GFRA1: variants seen among roughly 807,000 people sequenced by gnomAD.
GFRA1 encodes the protein GDNF family receptor alpha 1.
Under a neutral mutation model 51.6 loss-of-function variants are expected in GFRA1, and 16 were observed. That is an observed-to-expected ratio of 0.31 (90% CI 0.21 to 0.47). The LOEUF (loss-of-function observed/expected upper bound fraction) is 0.47. GFRA1 is among the 20% of genes least tolerant of loss of function. The pLI is 1.00. For synonymous variants in GFRA1, 270 were observed against 241.3 expected (o/e 1.12, Z -1.10); for missense variants, 530 against 594.3 (o/e 0.89, Z 1.13).
At chr10:116,155,116 T>C (rs1183884740) in intron 5 of GFRA1, among the ~76,000 whole-genome samples, 2 of 152,170 alleles carry the variant, frequency 1.3e-5, no homozygotes, top group East Asian at 3.8e-4. Flanking sequence ...CTCTAATGTG[T>C]CAAGAACTTT....
chr10:116,266,371 T>G (rs1350366394), intron 4 of GFRA1, among the ~76,000 whole-genome samples: 11 of 152,216 alleles, frequency 7.2e-5, no homozygotes, highest in Non-Finnish European at 1.5e-4. Flanking sequence ...AAAGCTCAGA[T>G]TCAAACCATG....
upstream of GFRA1, among the ~76,000 whole-genome samples, chr10:116,273,736 A>G (rs1365898621): frequency 6.6e-6 from 1 of 152,004 alleles, no homozygotes; most frequent in Non-Finnish European, 1.5e-5. Flanking sequence ...ACACGGGCAC[A>G]AGGGCTCTTT....
intron 7 of GFRA1, among the ~76,000 whole-genome samples, chr10:116,094,524 A>G (rs1956493958): frequency 6.6e-6 from 1 of 152,134 alleles, no homozygotes; most frequent in Non-Finnish European, 1.5e-5. Context: ...TGAGTTCTAA[A>G]CTGGCACAAA....
At chr10:116,224,368 T>C (rs1313951926) in intron 4 of GFRA1, among the ~76,000 whole-genome samples, 1 of 152,124 alleles carries the variant, frequency 6.6e-6, no homozygotes, top group African/African-American at 2.4e-5. Flanking sequence ...AATGAAAACA[T>C]GTCCATGCAA....
intron 5 of GFRA1, among the ~76,000 whole-genome samples, chr10:116,140,530 T>TA (rs532738641): frequency 1.1e-3 from 170 of 152,216 alleles, no homozygotes; most frequent in African/African-American, 3.8e-3. Context: ...AATATATTTG[T>TA]AAAAAAATTG....
At chr10:116,091,779 TG>T (rs1440683392) in intron 8 of GFRA1, among the ~76,000 whole-genome samples, 1 of 152,218 alleles carries the variant, frequency 6.6e-6, no homozygotes, top group Non-Finnish European at 1.5e-5. Context: ...CCTGTGTCTT[TG>T]GGGCTCTGTG....
chr10:116,227,376 G>A (rs1966375276), intron 4 of GFRA1, among the ~76,000 whole-genome samples: 1 of 152,212 alleles, frequency 6.6e-6, no homozygotes, highest in South Asian at 2.1e-4. Flanking sequence ...GAAAGAAGTG[G>A]AGATGAAGTA....
chr10:116,105,431 T>A (rs1956970285), intron 6 of GFRA1, among the ~76,000 whole-genome samples: 2 of 152,178 alleles, frequency 1.3e-5, no homozygotes. Context: ...CGGAAGTAAA[T>A]GCCTGAAGTC....
At chr10:116,125,705 C>T in intron 5 of GFRA1, 148 bp from the exon 6 acceptor site, 1 of 688,894 alleles carries the variant, frequency 1.5e-6, no homozygotes. Flanking sequence ...TTAATGACTT[C>T]ATGACAAGAG....
intron 5 of GFRA1, among the ~76,000 whole-genome samples, chr10:116,167,685 A>C (rs1565623653): frequency 6.6e-6 from 1 of 152,126 alleles, no homozygotes; most frequent in African/African-American, 2.4e-5. Context: ...GACTTTTAAA[A>C]TACAGGTCCC....
chr10:116,256,090 A>G (rs1320148201), intron 4 of GFRA1, among the ~76,000 whole-genome samples: 1 of 152,094 alleles, frequency 6.6e-6, no homozygotes, highest in Non-Finnish European at 1.5e-5. Context: ...AACAAATGAA[A>G]CATTCCGTAA....
intron 9 of GFRA1, 36 bp from the exon 10 acceptor site, chr10:116,065,662 A>C: frequency 6.4e-7 from 1 of 1,561,346 alleles, no homozygotes; most frequent in Non-Finnish European, 8.8e-7. Flanking sequence ...CTCAAACATA[A>C]TACAGAAGAG....
intron 5 of GFRA1, among the ~76,000 whole-genome samples, chr10:116,210,343 G>A (rs1017505519): frequency 2.0e-5 from 3 of 152,062 alleles, no homozygotes; most frequent in Non-Finnish European, 4.4e-5. Context: ...AATTCAGTGT[G>A]GGGTTGCTTA....
intron 4 of GFRA1, among the ~76,000 whole-genome samples, chr10:116,230,850 G>A (rs1426842078): frequency 6.6e-6 from 1 of 152,148 alleles, no homozygotes; most frequent in Non-Finnish European, 1.5e-5. Flanking sequence ...ATAAGTTCCA[G>A]AGAGGAGGAA....
intron 5 of GFRA1, among the ~76,000 whole-genome samples, chr10:116,193,556 G>A (rs895163046): frequency 6.6e-5 from 10 of 152,088 alleles, no homozygotes; most frequent in African/African-American, 1.9e-4. Context: ...GAGAAGAACC[G>A]GTCTCCTAAG....
At chr10:116,158,742 T>C (rs572285772) in intron 5 of GFRA1, among the ~76,000 whole-genome samples, 4 of 152,182 alleles carry the variant, frequency 2.6e-5, no homozygotes, top group Non-Finnish European at 5.9e-5. Flanking sequence ...GTACTCACAG[T>C]GGGCAAAACA....
At chr10:116,191,656 A>T (rs930054937) in intron 5 of GFRA1, among the ~76,000 whole-genome samples, 29 of 152,372 alleles carry the variant, frequency 1.9e-4, no homozygotes, top group African/African-American at 6.7e-4. Context: ...GAGCTAAAGC[A>T]TGTAAAAGAA....
At position 116,271,102 on chromosome 10, in the gene GFRA1, C is replaced by G; in HGVS notation, c.54G>C (p.Ser18=). 1 of 1,606,034 alleles carries G rather than the reference C, an allele frequency of 6.2e-7. No individual in the cohort carries two copies. Among genetic ancestry groups the G allele is most frequent in the South Asian group, 1.1e-5 (1 of 90,912 alleles). ...GGCGGTCTCCGCCGCTCACTTCGGC[C>G]GACAGGAGCAAGTCTGCGGGGCAGA... is the stretch of plus-strand genomic sequence containing the variant. ...FALPLLDLLL[S]AEVSGGDRLD... Residue 18 remains serine (S), a synonymous_variant, in exon 3 of 11, where the codon TCG becomes TCC. Coordinates refer to ENST00000355422, the MANE Select transcript of GFRA1 (RefSeq NM_005264.8).
intron 5 of GFRA1, among the ~76,000 whole-genome samples, chr10:116,174,582 C>T (rs1229454282): frequency 2.6e-5 from 4 of 152,268 alleles, no homozygotes; most frequent in South Asian, 4.2e-4. Context: ...CACTAATAGG[C>T]TTCCATTTAA....
Sources: gnomAD v4.1 joint callset for allele counts (sites outside exome capture counted in the v4.1 genomes callset) on GRCh38, gnomAD v4.1.1 for gene constraint, MANE v1.5 for transcripts, NCBI Gene and HGNC (gene_info 2026-07-23, HGNC 2026-07-21) for gene names.